STARD13: variants seen among roughly 807,000 people sequenced by gnomAD.
STARD13 encodes StAR related lipid transfer domain containing 13, also known as stAR-related lipid transfer protein 13.
A neutral mutation model predicts 106.4 loss-of-function variants in STARD13; 62 were observed. The observed-to-expected ratio is 0.58, with a 90% CI of 0.48 to 0.72. STARD13 has a LOEUF of 0.72. STARD13 is among the 30% of genes least tolerant of loss of function. The pLI is 0.00. For synonymous variants in STARD13, 565 were observed against 553.0 expected (o/e 1.02, Z -0.31); for missense variants, 1,387 against 1,424.0 (o/e 0.97, Z 0.42).
At chr13:33,651,997 A>G in the STARD13 span, among the ~76,000 whole-genome samples, 1 of 152,230 alleles carries the variant, frequency 6.6e-6, no homozygotes, top group Non-Finnish European at 1.5e-5. Context: ...CATGTTGAGC[A>G]GAAGAACAGT....
chr13:33,474,795 A>T, the STARD13 span, among the ~76,000 whole-genome samples: 2 of 152,138 alleles, frequency 1.3e-5, no homozygotes, highest in African/African-American at 2.4e-5. Context: ...GACAAATAAG[A>T]CTCATTTACT....
chr13:33,507,961 G>T, the STARD13 span, among the ~76,000 whole-genome samples: 1 of 152,098 alleles, frequency 6.6e-6, no homozygotes, highest in South Asian at 2.1e-4. Context: ...GGCAGAGGTG[G>T]AGGAAAATCC....
chr13:33,351,051 A>G (rs2078074201), upstream of STARD13, among the ~76,000 whole-genome samples: 1 of 152,210 alleles, frequency 6.6e-6, no homozygotes, highest in Non-Finnish European at 1.5e-5. Flanking sequence ...TTAGGTTGAC[A>G]TTCTTTTGAT....
the STARD13 span, among the ~76,000 whole-genome samples, chr13:33,394,900 G>A: frequency 1.3e-5 from 2 of 152,208 alleles, no homozygotes; most frequent in Admixed American, 6.5e-5. Flanking sequence ...CTGATAAAGT[G>A]ATTTCAGAGT....
chr13:33,628,751 A>T, the STARD13 span, among the ~76,000 whole-genome samples: 1 of 152,196 alleles, frequency 6.6e-6, no homozygotes, highest in Non-Finnish European at 1.5e-5. Flanking sequence ...ACCGCATTGT[A>T]GGGGATGAAC....
the STARD13 span, among the ~76,000 whole-genome samples, chr13:33,626,804 A>C: frequency 5.3e-5 from 8 of 152,226 alleles, no homozygotes; most frequent in African/African-American, 1.9e-4. Flanking sequence ...ATTCAGAATA[A>C]CAAATCTGGA....
the STARD13 span, among the ~76,000 whole-genome samples, chr13:33,643,202 C>CACAG: frequency 6.7e-6 from 1 of 149,656 alleles, no homozygotes; most frequent in African/African-American, 2.5e-5. Flanking sequence ...CACACACACA[C>CACAG]AGATAGAGGA....
At chr13:33,475,215 T>C in the STARD13 span, among the ~76,000 whole-genome samples, 1 of 152,150 alleles carries the variant, frequency 6.6e-6, no homozygotes, top group Non-Finnish European at 1.5e-5. Flanking sequence ...GGTTCAGGAT[T>C]TTCTTGCTTC....
chr13:33,256,636 T>C (rs1163417792), intron 1 of STARD13, among the ~76,000 whole-genome samples: 2 of 152,224 alleles, frequency 1.3e-5, no homozygotes, highest in East Asian at 3.8e-4. Context: ...AAATTCTGAA[T>C]GAATACTGCT....
At chr13:33,534,320 A>T in the STARD13 span, among the ~76,000 whole-genome samples, 1 of 152,196 alleles carries the variant, frequency 6.6e-6, no homozygotes, top group Admixed American at 6.5e-5. Context: ...GCTCAGGGAG[A>T]GCCACATGAA....
At chr13:33,306,303 T>C (rs1000674228) in intron 1 of STARD13, among the ~76,000 whole-genome samples, 1 of 152,230 alleles carries the variant, frequency 6.6e-6, no homozygotes, top group Non-Finnish European at 1.5e-5. Flanking sequence ...AACCCCTTCC[T>C]TATATCTTAT....
the STARD13 span, among the ~76,000 whole-genome samples, chr13:33,499,519 TTTCTTCTTCTTCTTCTTCTTCTTC>T: frequency 2.2e-5 from 2 of 91,884 alleles, no homozygotes; most frequent in East Asian, 3.1e-4. Flanking sequence ...TTCTTCTTTC[TTTCTTCTTCTTCTTCTTCTTCTTC>T]TTCTTCTTCT....
intron 6 of STARD13, among the ~76,000 whole-genome samples, chr13:33,126,989 T>C (rs886860622): frequency 1.4e-4 from 22 of 152,170 alleles, no homozygotes; most frequent in African/African-American, 5.3e-4. Context: ...TTTGAATGAA[T>C]CAATGCTCTA....
chr13:33,455,854 G>A, the STARD13 span, among the ~76,000 whole-genome samples: 3 of 152,102 alleles, frequency 2.0e-5, no homozygotes, highest in African/African-American at 7.2e-5. Context: ...TGAGGCAGGG[G>A]AATCACTTGA....
At chr13:33,133,477 C>T (rs1054201878) in intron 4 of STARD13, among the ~76,000 whole-genome samples, 1 of 152,080 alleles carries the variant, frequency 6.6e-6, no homozygotes, top group African/African-American at 2.4e-5. Context: ...AAAAAACGAC[C>T]AGTCTTCTTT....
intron 1 of STARD13, among the ~76,000 whole-genome samples, chr13:33,255,114 G>C (rs570330166): frequency 6.6e-6 from 1 of 151,526 alleles, no homozygotes; most frequent in African/African-American, 2.4e-5. Flanking sequence ...CCCCCTCAGA[G>C]GCTTGATCAG....
chr13:33,454,650 T>C, the STARD13 span, among the ~76,000 whole-genome samples: 2 of 152,248 alleles, frequency 1.3e-5, no homozygotes, highest in Non-Finnish European at 2.9e-5. Flanking sequence ...ATTTATTGAA[T>C]GACTATTATG....
At chr13:33,385,598 GC>G in the STARD13 span, among the ~76,000 whole-genome samples, 1 of 151,452 alleles carries the variant, frequency 6.6e-6, no homozygotes, top group Non-Finnish European at 1.5e-5. Flanking sequence ...GGTGGCTCAC[GC>G]CTGTAATCTC....
chr13:33,141,788 C>T (rs187741770), intron 4 of STARD13, among the ~76,000 whole-genome samples: 203 of 152,242 alleles, frequency 1.3e-3, no homozygotes, highest in Non-Finnish European at 1.7e-3. Flanking sequence ...TGCTGTGAAG[C>T]ATTTGAGTCT....
Sources: allele counts gnomAD v4.1 joint callset (sites outside exome capture counted in the v4.1 genomes callset), GRCh38; gene constraint gnomAD v4.1.1; transcripts MANE v1.5; gene names NCBI Gene and HGNC (gene_info 2026-07-23, HGNC 2026-07-21).